The following OR51B5 variants were observed in gnomAD, a reference collection of about 807,000 sequenced individuals.
The protein encoded by OR51B5 is olfactory receptor family 51 subfamily B member 5, also known as olfactory receptor 51B5.
For missense variants in OR51B5, 456 were observed against 374.6 expected, an observed-to-expected ratio of 1.22 and a Z score of -1.79; for synonymous variants, 186 against 144.8, an observed-to-expected ratio of 1.28 and a Z score of -2.04.
chr11:5,455,952 T>C (rs1850952889), intron 1 of OR51B5: 2 of 152,216 alleles, frequency 1.3e-5, no homozygotes, highest in Non-Finnish European at 2.9e-5. Flanking sequence ...TTAGAATATT[T>C]AGTGGTTTAA....
At chr11:5,345,545 G>A (rs1244166143), upstream of OR51B5, among the ~76,000 whole-genome samples, 1 of 152,076 alleles carries the variant, frequency 6.6e-6, no homozygotes, top group African/African-American at 2.4e-5. Context: ...AAGTCTGAGG[G>A]GGATACATAT....
At chr11:5,387,329 G>A (rs1383050431) in intron 1 of OR51B5, among the ~76,000 whole-genome samples, 18 of 152,004 alleles carry the variant, frequency 1.2e-4, no homozygotes, top group Non-Finnish European at 1.5e-5. Context: ...ATTGCATTTG[G>A]CCCCTAGAAG....
intron 1 of OR51B5, among the ~76,000 whole-genome samples, chr11:5,450,461 T>C (rs112949313): frequency 2.4e-4 from 37 of 152,304 alleles, no homozygotes; most frequent in African/African-American, 8.9e-4. Flanking sequence ...TAGATATTTC[T>C]ACGCTTATAT....
chr11:5,428,977 A>G (rs919335856), intron 1 of OR51B5, among the ~76,000 whole-genome samples: 1 of 152,148 alleles, frequency 6.6e-6, no homozygotes, highest in Admixed American at 6.5e-5. Context: ...GACTGCTCCA[A>G]TTGGTCCTAT....
chr11:5,426,438 T>G (rs1850451706), intron 1 of OR51B5, among the ~76,000 whole-genome samples: 1 of 152,162 alleles, frequency 6.6e-6, no homozygotes, highest in African/African-American at 2.4e-5. Context: ...CTAACTCTCT[T>G]ATAGTTATTA....
chr11:5,496,556 G>A (rs1307262346), intron 1 of OR51B5, among the ~76,000 whole-genome samples: 1 of 152,092 alleles, frequency 6.6e-6, no homozygotes, highest in Non-Finnish European at 1.5e-5. Flanking sequence ...CCTTCCTAAA[G>A]TCTAGATCCT....
At chr11:5,408,213 TGCTC>T (rs1437769293) in intron 1 of OR51B5, among the ~76,000 whole-genome samples, 1 of 152,122 alleles carries the variant, frequency 6.6e-6, no homozygotes, top group Non-Finnish European at 1.5e-5. Context: ...TACTCTTCCT[TGCTC>T]ACTCCAGTCC....
At chr11:5,426,983 G>T (rs866933714) in intron 1 of OR51B5, among the ~76,000 whole-genome samples, 2 of 148,688 alleles carry the variant, frequency 1.3e-5, no homozygotes, top group African/African-American at 2.4e-5. Context: ...TTATCTGCAC[G>T]ATGAGACAAC....
At position 5,385,929 on chromosome 11, in the gene OR51B5, A is replaced by T. The variant is rs187770135; in HGVS notation, n.85-39019T>A. 4.4e-3 allele frequency among the ~76,000 whole-genome samples: 615 copies of T among 138,488 alleles called. 4 individuals are homozygous for T. Among genetic ancestry groups the T allele is most frequent in the African/African-American group, 0.015 (592 of 38,416 alleles). The allele number at this position is 138,488 out of a possible 152,430, so 90.9% of individuals were successfully genotyped here. A position where few individuals can be genotyped will look rare whatever the true frequency, so the allele number is the denominator to read the frequency against. On this transcript the variant is annotated intron_variant and non_coding_transcript_variant, in intron 1 of 4. Coordinates refer to the OR51B5 transcript ENST00000415970. Reference sequence around the variant, plus strand: ...CTTATACATATGTGTACTTATATGGATGTATAAGTATGTTCTATATATATA... The same window carrying T: ...CTTATACATATGTGTACTTATATGGTTGTATAAGTATGTTCTATATATATA...
downstream of OR51B5, chr11:5,340,514 A>G (rs1018986155): frequency 6.6e-6 from 1 of 151,766 alleles, no homozygotes; most frequent in Non-Finnish European, 1.5e-5. Flanking sequence ...AATTCTTTTT[A>G]AAAAAGTTCT....
At chr11:5,389,731 C>G (rs766483501) in intron 1 of OR51B5, 1 of 1,613,934 alleles carries the variant, frequency 6.2e-7, no homozygotes, top group Non-Finnish European at 8.5e-7. Context: ...CGTGTCAAAT[C>G]CAGATGTTCT....
chr11:5,426,146 T>G (rs1046287615), intron 1 of OR51B5, among the ~76,000 whole-genome samples: 3 of 152,178 alleles, frequency 2.0e-5, no homozygotes, highest in African/African-American at 7.2e-5. Flanking sequence ...TGTATTTAAA[T>G]AGAATCCTGG....
chr11:5,343,525 C>G (rs12800375), upstream of OR51B5: 10 of 861,006 alleles, frequency 1.2e-5, no homozygotes, highest in Non-Finnish European at 1.9e-5. Context: ...TGGACGACAT[C>G]CTGGGTTTAT....
chr11:5,390,383 C>T (rs953317815), intron 1 of OR51B5: 4 of 1,580,670 alleles, frequency 2.5e-6, no homozygotes, highest in African/African-American at 1.3e-5. Context: ...TAAATGAGTC[C>T]TGGGGCTAAA....
upstream of OR51B5, among the ~76,000 whole-genome samples, chr11:5,344,789 A>G (rs758887650): frequency 7.2e-5 from 11 of 152,244 alleles, no homozygotes; most frequent in Non-Finnish European, 8.8e-5. Context: ...ATAAACCATA[A>G]ATTAAGTTGA....
At chr11:5,505,286 C>T in intron 1 of OR51B5, 1 of 1,294,474 alleles carries the variant, frequency 7.7e-7, no homozygotes, top group Non-Finnish European at 1.0e-6. Flanking sequence ...TCTGGACTTC[C>T]AAGGATGGAA....
At chr11:5,342,222 GAACC>G (rs956256412), downstream of OR51B5, among the ~76,000 whole-genome samples, 18 of 152,194 alleles carry the variant, frequency 1.2e-4, no homozygotes, top group African/African-American at 4.1e-4. Flanking sequence ...CATTTCACTC[GAACC>G]AACTAATAAT....
At chr11:5,375,570 CAT>C in intron 1 of OR51B5, among the ~76,000 whole-genome samples, 1 of 152,224 alleles carries the variant, frequency 6.6e-6, no homozygotes, top group South Asian at 2.1e-4. Context: ...AAACCCATCT[CAT>C]GTGCACACAC....
chr11:5,466,545 T>C (rs1851141176), intron 1 of OR51B5, among the ~76,000 whole-genome samples: 1 of 152,226 alleles, frequency 6.6e-6, no homozygotes, highest in Non-Finnish European at 1.5e-5. Flanking sequence ...AGGAGGGAGA[T>C]TGCTATCATC....
Sources: allele counts gnomAD v4.1 joint callset (sites outside exome capture counted in the v4.1 genomes callset), GRCh38; gene constraint gnomAD v4.1.1; transcripts MANE v1.5; gene names NCBI Gene and HGNC (gene_info 2026-07-23, HGNC 2026-07-21).